LRP1B: variants seen among roughly 807,000 people sequenced by gnomAD.
LRP1B encodes LDL receptor related protein 1B.
LRP1B carries 217 observed loss-of-function variants against 556.6 expected under a neutral mutation model. The ratio of observed to expected loss-of-function variants is 0.39; its 90% CI spans 0.35 to 0.44. LRP1B has a LOEUF of 0.44. Among genes scored for constraint, LRP1B ranks in the 20% least tolerant of loss-of-function variants. The pLI, the probability that LRP1B is intolerant of heterozygous loss-of-function variation, is 1.00. For missense variants in LRP1B, 5,053 were observed against 5,620.8 expected, an observed-to-expected ratio of 0.90 and a Z score of 3.23; for synonymous variants, 2,047 against 1,865.8, an observed-to-expected ratio of 1.10 and a Z score of -2.50.
rs202102192 is a variant in LRP1B, at chr2:141,055,159, G to A, written c.1509C>T (p.Cys503=). The change falls in exon 10 of 91, where the codon TGC becomes TGT. Residue 503 remains cysteine, a synonymous_variant. Coordinates refer to ENST00000389484, the MANE Select transcript of LRP1B (RefSeq NM_018557.3). The part of the protein sequence containing the change: ...SSSYKTRTCR[C]RTGFNLGSDG... ...CACTTCCCAAGTTGAAGCCAGTCCT[G>A]CAGCGACAAGTCCGAGTTTTGTAAC... 1 of 1,612,370 alleles carries A rather than the reference G, an allele frequency of 6.2e-7. No individual in the cohort carries two copies. Among genetic ancestry groups the A allele is most frequent in the East Asian group, 2.2e-5 (1 of 44,732 alleles).
intron 35 of LRP1B, among the ~76,000 whole-genome samples, chr2:140,742,330 G>A (rs1038463413): frequency 1.3e-5 from 2 of 152,068 alleles, no homozygotes; most frequent in African/African-American, 4.8e-5. Flanking sequence ...TCTTCATGTA[G>A]TTCTTCATCT....
At chr2:140,425,529 G>A (rs1258593196) in intron 66 of LRP1B, among the ~76,000 whole-genome samples, 1 of 152,128 alleles carries the variant, frequency 6.6e-6, no homozygotes, top group African/African-American at 2.4e-5. Context: ...TCCTGCCTCA[G>A]CCTCCTGAGT....
chr2:141,959,130 C>T (rs1022870201), intron 1 of LRP1B, among the ~76,000 whole-genome samples: 1 of 151,488 alleles, frequency 6.6e-6, no homozygotes, highest in East Asian at 1.9e-4. Flanking sequence ...GGACATCAGT[C>T]TGTCTTTTGA....
intron 2 of LRP1B, among the ~76,000 whole-genome samples, chr2:141,570,116 GC>G (rs1686474568): frequency 6.8e-6 from 1 of 147,054 alleles, no homozygotes; most frequent in Non-Finnish European, 1.5e-5. Context: ...AGAAGCAGAG[GC>G]ATTTGGAGGC....
intron 66 of LRP1B, among the ~76,000 whole-genome samples, chr2:140,399,176 C>CACACACACACACA (rs1553459871): frequency 1.3e-5 from 2 of 151,716 alleles, no homozygotes; most frequent in African/African-American, 4.9e-5. Flanking sequence ...CACACACACA[C>CACACACACACACA]ACACACACAC....
intron 60 of LRP1B, among the ~76,000 whole-genome samples, chr2:140,472,341 T>C (rs1284535674): frequency 1.3e-5 from 2 of 152,162 alleles, no homozygotes; most frequent in African/African-American, 2.4e-5. Context: ...TTCAGTAGCA[T>C]GTTTTTTACT....
chr2:140,579,685 T>C lies in LRP1B; in HGVS notation c.7194+18946A>G, dbSNP rs553283577. ...GGCATAACCCCATCTCTACTAAAAATACAAAAATCAGCCGGGCGTGATAGC... is the reference window on the plus strand; with the variant it reads ...GGCATAACCCCATCTCTACTAAAAACACAAAAATCAGCCGGGCGTGATAGC... On this transcript the variant is annotated intron_variant, in intron 43 of 90. Transcript: ENST00000389484. Among the ~76,000 whole-genome samples, 8 of 151,966 alleles carry C rather than the reference T, an allele frequency of 5.3e-5. No homozygotes were observed. In the South Asian group the frequency reaches 1.7e-3, roughly 32 times the overall value.
intron 31 of LRP1B, among the ~76,000 whole-genome samples, chr2:140,818,160 G>T (rs1344867893): frequency 2.6e-5 from 4 of 152,110 alleles, no homozygotes; most frequent in African/African-American, 7.2e-5. Flanking sequence ...GAAACTTTTG[G>T]AGACAGGGGA....
Position 140,702,642 on chromosome 2 carries a change from T to C in LRP1B, c.6024-89A>G, listed in dbSNP as rs548836768. ...AAAAAGACATTACTAATAACAGCAGTAGCATTCACACTAGAATAAAAATAA... is the reference window on the plus strand; with the variant it reads ...AAAAAGACATTACTAATAACAGCAGCAGCATTCACACTAGAATAAAAATAA... On this transcript the variant is annotated intron_variant, in intron 37 of 90. Transcript: ENST00000389484. The C allele has an allele frequency of 1.4e-5, 16 of 1,158,402 alleles. No individual in the cohort carries two copies. The South Asian group carries it at 2.1e-4, about 15-fold the overall frequency. The allele number at this position is 1,158,402 out of a possible 1,614,324, so 71.8% of individuals were successfully genotyped here. A position where few individuals can be genotyped will look rare whatever the true frequency, so the allele number is the denominator to read the frequency against.
Position 140,784,473 on chromosome 2 carries a change from C to G in LRP1B, c.5360-8235G>C, listed in dbSNP as rs879563481. Among the ~76,000 whole-genome samples, 12 of 150,440 alleles carry G rather than the reference C, an allele frequency of 8.0e-5. 1 individual carries two copies. The highest frequency in any genetic ancestry group is 4.4e-5 in the Non-Finnish European group (3 of 67,732). On this transcript the variant is annotated intron_variant, in intron 32 of 90. Transcript: ENST00000389484. ...AGATGTTTATCATTACTTAAGGTCT[C>G]CTGCTTGAACTCAGAATTTCTGATG... is the stretch of plus-strand genomic sequence containing the variant.
intron 62 of LRP1B, among the ~76,000 whole-genome samples, chr2:140,454,804 T>C (rs1687029824): frequency 6.6e-6 from 1 of 152,192 alleles, no homozygotes; most frequent in Non-Finnish European, 1.5e-5. Flanking sequence ...ATGCCTGTAG[T>C]GAGGCTGATG....
chr2:140,853,254 C>G (rs75744024), intron 27 of LRP1B, among the ~76,000 whole-genome samples: 1 of 152,096 alleles, frequency 6.6e-6, no homozygotes, highest in Non-Finnish European at 1.5e-5. Context: ...TCTGAAGACA[C>G]AGGGACACAG....
rs891090591 is a variant in LRP1B, at chr2:141,889,462, G to T, written c.83-79061C>A. Among the ~76,000 whole-genome samples, 5 of 152,232 alleles carry T rather than the reference G, an allele frequency of 3.3e-5. No individual in the cohort carries two copies. The Middle Eastern group carries it at 0.01, about 311-fold the overall frequency. ...TGGAAAGGACTTAAAGTAAAACTGA[G>T]ACTCAGGAGATAGAACAAGGGTACA... On this transcript the variant is annotated intron_variant, in intron 1 of 90. Transcript: ENST00000389484.
At chr2:140,237,745 T>C (rs1420582475) in intron 89 of LRP1B, among the ~76,000 whole-genome samples, 1 of 150,764 alleles carries the variant, frequency 6.6e-6, no homozygotes, top group Non-Finnish European at 1.5e-5. Context: ...CTTTACTTTA[T>C]AATAGACCTT....
chr2:141,994,218 C>G (rs1243479972), intron 1 of LRP1B, among the ~76,000 whole-genome samples: 8 of 152,060 alleles, frequency 5.3e-5, no homozygotes, highest in Non-Finnish European at 1.2e-4. Flanking sequence ...TGCTAAGTAC[C>G]CTCCAGGTAG....
intron 1 of LRP1B, among the ~76,000 whole-genome samples, chr2:142,098,003 G>A (rs879891036): frequency 2.0e-5 from 3 of 151,580 alleles, no homozygotes; most frequent in Non-Finnish European, 4.4e-5. Flanking sequence ...ATTCTTTCTT[G>A]TATAAATGCT....
rs1686586971 is a variant in LRP1B, at chr2:140,700,339, C to A, written c.6710G>T (p.Gly2237Val). Residue 2237 changes from glycine to valine, a missense_variant, in exon 41 of 91, where the codon GGT (glycine) becomes GTT (valine). Transcript: ENST00000389484. ...LAFDYNQRRK[G>V]TNRIFYSDAH... ...ATCACTGTAAAAGATTCGGTTGGTA[C>A]CTTTTCTTCTTTGATTATAGTCAAA... is the stretch of plus-strand genomic sequence containing the variant. 5 of 1,612,792 alleles carry A rather than the reference C, an allele frequency of 3.1e-6. No individual in the cohort carries two copies. The highest frequency in any genetic ancestry group is 1.1e-5 in the South Asian group (1 of 90,978).
intron 5 of LRP1B, among the ~76,000 whole-genome samples, chr2:141,246,089 A>C: frequency 6.6e-6 from 1 of 152,222 alleles, no homozygotes; most frequent in African/African-American, 2.4e-5. Context: ...TGGCAATGCT[A>C]TAAAGAAAAT....
At chr2:140,389,072 G>A (rs1400177302) in intron 66 of LRP1B, among the ~76,000 whole-genome samples, 1 of 152,010 alleles carries the variant, frequency 6.6e-6, no homozygotes, top group African/African-American at 2.4e-5. Flanking sequence ...CTGTTAAATA[G>A]CATTCATATA....
Sources: allele counts gnomAD v4.1 joint callset (sites outside exome capture counted in the v4.1 genomes callset), GRCh38; gene constraint gnomAD v4.1.1; transcripts MANE v1.5; gene names NCBI Gene and HGNC (gene_info 2026-07-23, HGNC 2026-07-21).